ERICH3: variants seen among roughly 807,000 people sequenced by gnomAD.
The protein encoded by ERICH3 is glutamate rich 3.
In ERICH3, 126 loss-of-function variants were observed where a neutral mutation model predicts 131.1. That is an observed-to-expected ratio of 0.96 (90% CI 0.83 to 1.11). ERICH3 has a LOEUF of 1.11. Ranked by LOEUF, ERICH3 falls within the 50% of genes most tolerant of loss-of-function variation. The probability of loss-of-function intolerance (pLI) is 0.00; values close to 1 mark genes in which losing one functional copy is unlikely to be tolerated. For synonymous variants in ERICH3, 695 were observed against 644.6 expected, an observed-to-expected ratio of 1.08 and a Z score of -1.18; for missense variants, 2,050 against 1,810.7, an observed-to-expected ratio of 1.13 and a Z score of -2.40.
rs542998369 is a variant in ERICH3, at chr1:74,649,924, C to T, written c.24-609G>A. ...CACTCCCGCTCCCCACCTCCTACCC[C>T]ATAAGACCCTGAGTTACTATCTCAT... On this transcript the variant is annotated intron_variant, in intron 1 of 14. Transcript: ENST00000326665. Among the ~76,000 whole-genome samples the T allele has an allele frequency of 4.0e-4, 61 of 152,174 alleles. 2 individuals carry two copies. The highest frequency in any genetic ancestry group is 3.4e-3 in the Middle Eastern group (1 of 294).
chr1:74,619,787 T>A (rs996424844), intron 8 of ERICH3, among the ~76,000 whole-genome samples: 6 of 152,238 alleles, frequency 3.9e-5, no homozygotes, highest in Non-Finnish European at 8.8e-5. Flanking sequence ...TCATTGAGCA[T>A]CATATTGTGT....
chr1:74,665,333 C>A (rs1170872899), intron 1 of ERICH3, among the ~76,000 whole-genome samples: 1 of 152,086 alleles, frequency 6.6e-6, no homozygotes, highest in East Asian at 1.9e-4. Flanking sequence ...TCTAAGCCAC[C>A]CAGTCTATGG....
chr1:74,655,104 T>C (rs1646572206), intron 1 of ERICH3, among the ~76,000 whole-genome samples: 1 of 152,320 alleles, frequency 6.6e-6, no homozygotes, highest in African/African-American at 2.4e-5. Context: ...ATTCAGCTAA[T>C]CTCTTAAATA....
chr1:74,576,835 T>C, intron 13 of ERICH3, 60 bp downstream of exon 13: 2 of 1,455,264 alleles, frequency 1.4e-6, no homozygotes, highest in Admixed American at 2.2e-5. Flanking sequence ...TTTGACCAGA[T>C]TTATGAGTCA....
rs372889364 is a variant in ERICH3 at position 74,631,248 on chromosome 1, T to C, written c.819+465A>G. 6.6e-5 allele frequency among the ~76,000 whole-genome samples: 10 copies of C among 152,284 alleles called. No individual in the cohort carries two copies. In the East Asian group the frequency reaches 1.9e-3, roughly 29 times the overall value. On this transcript the variant is annotated intron_variant, in intron 7 of 14. Transcript: ENST00000326665. ...TTCTTCTATTAGTATTTTGAGGAAATCAGTACAACAAACTGTAATCTCTTA... is the reference window on the plus strand; with the variant it reads ...TTCTTCTATTAGTATTTTGAGGAAACCAGTACAACAAACTGTAATCTCTTA...
At position 74,612,810 on chromosome 1, in the gene ERICH3, C is replaced by A; in HGVS notation, c.1001-1G>T. On this transcript the variant is annotated splice_acceptor_variant, in intron 8 of 14. Transcript: ENST00000326665. LOFTEE classifies it high-confidence loss of function. ...CTTTTGGAAATAAACTGAAAGGTCT[C>A]TGGAATTAAAATAGAAATACATTAG... 1 of 1,564,482 alleles carries A rather than the reference C, an allele frequency of 6.4e-7. No individual in the cohort carries two copies. The highest frequency in any genetic ancestry group is 1.2e-5 in the South Asian group (1 of 85,718).
At chr1:74,631,552 T>G (rs1646336416) in intron 7 of ERICH3, among the ~76,000 whole-genome samples, 161 bp downstream of exon 7, 1 of 152,154 alleles carries the variant, frequency 6.6e-6, no homozygotes, top group African/African-American at 2.4e-5. Context: ...CTCAAGCCTG[T>G]GGTTTCAGAT....
intron 7 of ERICH3, among the ~76,000 whole-genome samples, chr1:74,630,559 T>C (rs1646312859): frequency 6.6e-6 from 1 of 152,174 alleles, no homozygotes; most frequent in Non-Finnish European, 1.5e-5. Context: ...AAGAATATTG[T>C]TGTAAGTTGA....
intron 11 of ERICH3, among the ~76,000 whole-genome samples, chr1:74,596,634 C>T (rs1647865228): frequency 6.6e-6 from 1 of 152,070 alleles, no homozygotes; most frequent in Admixed American, 6.6e-5. Context: ...ACACTATCAT[C>T]CAAACTGTCC....
intron 1 of ERICH3, among the ~76,000 whole-genome samples, chr1:74,649,948 A>G (rs1339698866): frequency 1.3e-5 from 2 of 152,080 alleles, no homozygotes; most frequent in African/African-American, 4.8e-5. Flanking sequence ...TTACTATCTC[A>G]TCACATAATA....
At chr1:74,606,494 C>T in intron 10 of ERICH3, 107 bp downstream of exon 10, 1 of 1,195,942 alleles carries the variant, frequency 8.4e-7, no homozygotes, top group Non-Finnish European at 1.2e-6. Context: ...ACATGTAACA[C>T]AGCTGGGTAA....
At chr1:74,661,722 G>A (rs1208941430) in intron 1 of ERICH3, among the ~76,000 whole-genome samples, 3 of 152,062 alleles carry the variant, frequency 2.0e-5, no homozygotes, top group African/African-American at 7.2e-5. Flanking sequence ...TACACAATAG[G>A]TGCCATTCAC....
intron 7 of ERICH3, among the ~76,000 whole-genome samples, chr1:74,627,650 T>C (rs576311671): frequency 2.0e-5 from 3 of 152,220 alleles, no homozygotes; most frequent in Admixed American, 1.3e-4. Context: ...TATACACATA[T>C]GCATATACAC....
intron 10 of ERICH3, among the ~76,000 whole-genome samples, chr1:74,604,187 C>T (rs1481360975): frequency 6.6e-6 from 1 of 151,882 alleles, no homozygotes; most frequent in Admixed American, 6.6e-5. Context: ...TTTCTCTGTT[C>T]ATCCCTAAGA....
At chr1:74,661,898 C>T (rs1419441598) in intron 1 of ERICH3, among the ~76,000 whole-genome samples, 1 of 152,182 alleles carries the variant, frequency 6.6e-6, no homozygotes, top group Non-Finnish European at 1.5e-5. Flanking sequence ...ATGTTTATCT[C>T]ATAGTTTTTT....
chr1:74,598,109 A>G (rs1260003847), intron 11 of ERICH3, among the ~76,000 whole-genome samples: 1 of 151,644 alleles, frequency 6.6e-6, no homozygotes, highest in Non-Finnish European at 1.5e-5. Flanking sequence ...TTTTCCATAC[A>G]TTTTCTTATA....
At chr1:74,602,445 T>C (rs1431286285) in intron 10 of ERICH3, among the ~76,000 whole-genome samples, 1 of 151,956 alleles carries the variant, frequency 6.6e-6, no homozygotes, top group Non-Finnish European at 1.5e-5. Context: ...TGCCTTCTTC[T>C]AGAGAATTTA....
intron 10 of ERICH3, 35 bp from the exon 11 acceptor site, chr1:74,599,966 A>C: frequency 6.8e-7 from 1 of 1,466,432 alleles, no homozygotes. Context: ...AAGAATGAAA[A>C]TAGAACCCCT....
intron 3 of ERICH3, among the ~76,000 whole-genome samples, chr1:74,646,463 A>G (rs1436234847): frequency 1.3e-5 from 2 of 152,100 alleles, no homozygotes; most frequent in Non-Finnish European, 2.9e-5. Context: ...CTGGCTACCC[A>G]GAGAGATATT....
Sources: allele counts gnomAD v4.1 joint callset (sites outside exome capture counted in the v4.1 genomes callset), GRCh38; gene constraint gnomAD v4.1.1; transcripts MANE v1.5; gene names NCBI Gene and HGNC (gene_info 2026-07-23, HGNC 2026-07-21).